The following SHTN1 variants were observed in gnomAD, a reference collection of about 807,000 sequenced individuals.
SHTN1 encodes the protein shootin-1.
SHTN1 carries 42 observed loss-of-function variants against 83.1 expected under a neutral mutation model. The observed-to-expected ratio is 0.51, with a 90% confidence interval of 0.39 to 0.65. The LOEUF is 0.65. SHTN1 is among the 30% of genes least tolerant of loss of function. The pLI, the probability that SHTN1 is intolerant of heterozygous loss-of-function variation, is 0.00. For synonymous variants in SHTN1, 224 were observed against 247.7 expected, an observed-to-expected ratio of 0.90 and a Z score of 0.90; for missense variants, 622 against 737.8, an observed-to-expected ratio of 0.84 and a Z score of 1.82.
At chr10:116,967,717 T>C (rs1850448134) in intron 3 of SHTN1, among the ~76,000 whole-genome samples, 1 of 152,236 alleles carries the variant, frequency 6.6e-6, no homozygotes, top group Admixed American at 6.5e-5. Flanking sequence ...GTGTAATTCC[T>C]TTTATATGAA....
intron 12 of SHTN1, among the ~76,000 whole-genome samples, chr10:116,917,461 G>A (rs748653241): frequency 6.6e-6 from 1 of 151,974 alleles, no homozygotes; most frequent in Admixed American, 6.6e-5. Context: ...GCGTCACTAC[G>A]CCCAGCTAAT....
In SHTN1 at chr10:116,911,836, G is replaced by A. The variant is rs752421302; in HGVS notation, c.1313C>T (p.Ser438Phe). Reference sequence around the variant, plus strand: ...CACTGCACTTTCGCAGCCTTTCGAAGATTCTGGCTATAATTTTAATAAGAA... The same window carrying A: ...CACTGCACTTTCGCAGCCTTTCGAAAATTCTGGCTATAATTTTAATAAGAA... ...QTARPKTKPE[S>F]SKGCESAVDE... The change falls in exon 14 of 17, where the codon TCT (serine) becomes TTT (phenylalanine). Residue 438 changes from serine (S) to phenylalanine (F), a missense_variant. By Grantham distance (155) the Ser-to-Phe change is radical (BLOSUM62 -2). Around this residue, in one of 3 missense-constraint regions of SHTN1, gnomAD observed 231 missense variants for 251.6 expected, o/e 0.92. Coordinates refer to ENST00000355371, the MANE Select transcript of SHTN1 (RefSeq NM_001127211.3). 12 of 1,610,290 alleles carry A rather than the reference G, an allele frequency of 7.5e-6. No homozygotes were observed. Among genetic ancestry groups the A allele is most frequent in the Middle Eastern group, 3.3e-4 (2 of 6,068 alleles).
At chr10:116,956,732 G>T (rs1266018323) in intron 4 of SHTN1, among the ~76,000 whole-genome samples, 2 of 151,868 alleles carry the variant, frequency 1.3e-5, no homozygotes, top group Non-Finnish European at 2.9e-5. Flanking sequence ...CCTCAAAAGG[G>T]TTTAATGCCC....
intron 16 of SHTN1, among the ~76,000 whole-genome samples, chr10:116,894,238 A>G (rs1416783440): frequency 6.6e-6 from 1 of 152,240 alleles, no homozygotes; most frequent in Non-Finnish European, 1.5e-5. Context: ...AGTCACATGT[A>G]TTTAGAGATA....
At chr10:117,079,791 T>C (rs1168741362) in intron 1 of SHTN1, among the ~76,000 whole-genome samples, 2 of 146,544 alleles carry the variant, frequency 1.4e-5, no homozygotes, top group African/African-American at 2.5e-5. Context: ...TGGCCAGTGA[T>C]GATGAGCACT....
intron 1 of SHTN1, among the ~76,000 whole-genome samples, chr10:117,126,134 A>ACGTCACTTCC (rs1854002713): frequency 6.6e-6 from 1 of 151,926 alleles, no homozygotes; most frequent in Non-Finnish European, 1.5e-5. Flanking sequence ...CCGCCGCTTG[A>ACGTCACTTCC]CGTCACTTCC....
chr10:117,025,641 G>A (rs1852324205), intron 2 of SHTN1, among the ~76,000 whole-genome samples: 1 of 152,112 alleles, frequency 6.6e-6, no homozygotes, highest in Admixed American at 6.6e-5. Context: ...AAGGCTCCAA[G>A]AGAGACCCCT....
At chr10:117,100,037 C>A (rs1225045662) in intron 1 of SHTN1, among the ~76,000 whole-genome samples, 2 of 151,994 alleles carry the variant, frequency 1.3e-5, no homozygotes, top group African/African-American at 4.8e-5. Context: ...ATTAGCCAGG[C>A]ATGGTGGTAC....
At chr10:116,914,854 C>A (rs1378763250) in intron 13 of SHTN1, among the ~76,000 whole-genome samples, 1 of 152,072 alleles carries the variant, frequency 6.6e-6, no homozygotes, top group Non-Finnish European at 1.5e-5. Flanking sequence ...ACTTGGAAAA[C>A]ATTTGTGAAA....
At chr10:117,083,064 T>C (rs896659230) in intron 1 of SHTN1, among the ~76,000 whole-genome samples, 5 of 151,652 alleles carry the variant, frequency 3.3e-5, no homozygotes, top group Admixed American at 6.6e-5. Context: ...ATGTGTGAAT[T>C]TGATCCTGTC....
intron 12 of SHTN1, among the ~76,000 whole-genome samples, chr10:116,916,485 T>C (rs908002293): frequency 4.6e-5 from 7 of 152,242 alleles, no homozygotes; most frequent in Admixed American, 1.3e-4. Context: ...AACAAGTTTC[T>C]ACTGACTATT....
chr10:117,028,554 C>T (rs1852361550), intron 2 of SHTN1, among the ~76,000 whole-genome samples: 1 of 152,102 alleles, frequency 6.6e-6, no homozygotes, highest in African/African-American at 2.4e-5. Context: ...TGGGCCAGGC[C>T]CAGTGCTCCA....
At chr10:116,967,497 T>A (rs1850438063) in intron 3 of SHTN1, among the ~76,000 whole-genome samples, 5 of 152,200 alleles carry the variant, frequency 3.3e-5, no homozygotes, top group Admixed American at 3.3e-4. Context: ...CATGATGAGT[T>A]TGGGGGATTA....
chr10:117,099,251 G>A (rs181429778), intron 1 of SHTN1, among the ~76,000 whole-genome samples: 27 of 152,120 alleles, frequency 1.8e-4, no homozygotes, highest in Admixed American at 1.4e-3. Flanking sequence ...AAGGAGGGGT[G>A]AGAGATCAGA....
At chr10:117,004,390 G>C (rs918175028) in intron 1 of SHTN1, among the ~76,000 whole-genome samples, 16 of 152,092 alleles carry the variant, frequency 1.1e-4, no homozygotes, top group African/African-American at 3.9e-4. Flanking sequence ...AAATGCGTGC[G>C]CATGGCCTGG....
chr10:116,945,154 A>T lies in SHTN1; in HGVS notation c.617-136T>A, dbSNP rs568004762. On this transcript the variant is annotated intron_variant, in intron 7 of 16. Coordinates refer to ENST00000355371, the MANE Select transcript of SHTN1 (RefSeq NM_001127211.3). ...CTCATGCATTCCTGGTTGGCATACAAACTGATAAAACCTTTTTGGAGAGCA... is the reference window on the plus strand; with the variant it reads ...CTCATGCATTCCTGGTTGGCATACATACTGATAAAACCTTTTTGGAGAGCA... 7 of 621,192 alleles carry T rather than the reference A, an allele frequency of 1.1e-5. No individual in the cohort carries two copies. In the East Asian group the frequency reaches 1.9e-4, roughly 17 times the overall value. The allele number at this position is 621,192 out of a possible 1,614,324, so 38.5% of individuals were successfully genotyped here.
At chr10:116,942,373 T>C (rs1849410623) in intron 8 of SHTN1, among the ~76,000 whole-genome samples, 1 of 152,056 alleles carries the variant, frequency 6.6e-6, no homozygotes, top group African/African-American at 2.4e-5. Context: ...CCACCATGCC[T>C]GGCTAATCTG....
In SHTN1 at chr10:117,054,749, A is replaced by G. The variant is rs566524267; in HGVS notation, c.-188-6239T>C. Among the ~76,000 whole-genome samples, 4 of 152,160 alleles carry G rather than the reference A, an allele frequency of 2.6e-5. No individual in the cohort carries two copies. The South Asian group carries it at 8.3e-4, about 32-fold the overall frequency. ...TTAAATATTTCTTTCTGCTGACTTC[A>G]AGGTATAGACAGAGCCTTACTCCTT... is the stretch of plus-strand genomic sequence containing the variant. On this transcript the variant is annotated intron_variant, in intron 1 of 17. Transcript: ENST00000392901.
At chr10:117,087,873 C>T (rs1853372786) in intron 1 of SHTN1, among the ~76,000 whole-genome samples, 1 of 152,110 alleles carries the variant, frequency 6.6e-6, no homozygotes, top group African/African-American at 2.4e-5. Context: ...GAGGCCGAGG[C>T]AGGAGGACTG....
Sources: gnomAD v4.1 joint callset for allele counts (sites outside exome capture counted in the v4.1 genomes callset) on GRCh38, gnomAD v4.1.1 for gene constraint, gnomAD v4.1.1 regional missense constraint, MANE v1.5 for transcripts, NCBI Gene and HGNC (gene_info 2026-07-23, HGNC 2026-07-21) for gene names.